Variants in PPP2R5C observed in about 807,000 individuals in gnomAD.
The protein encoded by PPP2R5C is protein phosphatase 2 regulatory subunit B'gamma.
Under a neutral mutation model 68.9 loss-of-function variants are expected in PPP2R5C, and 7 were observed. The ratio of observed to expected loss-of-function variants is 0.10; its 90% CI spans 0.06 to 0.19. The LOEUF (loss-of-function observed/expected upper bound fraction) is 0.19. PPP2R5C is among the 10% of genes least tolerant of loss of function. The pLI is 1.00. For synonymous variants in PPP2R5C, 210 were observed against 222.2 expected (o/e 0.95, Z 0.49); for missense variants, 348 against 641.3 (o/e 0.54, Z 4.94).
chr14:101,805,079 C>T (rs2039022054), upstream of PPP2R5C, among the ~76,000 whole-genome samples: 1 of 152,038 alleles, frequency 6.6e-6, no homozygotes, highest in Admixed American at 6.6e-5. Flanking sequence ...TATTGTTGTG[C>T]ACTGTTTTTT....
At chr14:101,857,646 A>C (rs1298817109) in intron 2 of PPP2R5C, among the ~76,000 whole-genome samples, 1 of 152,246 alleles carries the variant, frequency 6.6e-6, no homozygotes, top group Non-Finnish European at 1.5e-5. Context: ...ACCACCTGGA[A>C]ACACTTCATT....
At chr14:101,892,505 C>A (rs1412139423) in intron 6 of PPP2R5C, among the ~76,000 whole-genome samples, 5 of 152,124 alleles carry the variant, frequency 3.3e-5, no homozygotes, top group Non-Finnish European at 5.9e-5. Flanking sequence ...TGGGTAACAC[C>A]TGTAAACCCA....
At chr14:101,776,545 C>T (rs539161227) in intron 2 of PPP2R5C, among the ~76,000 whole-genome samples, 2 of 152,200 alleles carry the variant, frequency 1.3e-5, no homozygotes, top group African/African-American at 2.4e-5. Flanking sequence ...CCTCCCAAAG[C>T]GTGTGTGTCT....
chr14:101,778,875 C>T (rs2037545616), intron 2 of PPP2R5C, among the ~76,000 whole-genome samples: 1 of 152,132 alleles, frequency 6.6e-6, no homozygotes, highest in Non-Finnish European at 1.5e-5. Context: ...GCCTGGACAA[C>T]ATAGTGAGAC....
intron 2 of PPP2R5C, among the ~76,000 whole-genome samples, chr14:101,869,563 C>G (rs1486235360): frequency 6.6e-6 from 1 of 152,144 alleles, no homozygotes; most frequent in East Asian, 1.9e-4. Context: ...GTTCTCATGC[C>G]TCCCGTATCT....
Position 101,890,128 on chromosome 14 carries a change from C to A in PPP2R5C, c.630-109C>A, listed in dbSNP as rs536388213. ...TTGCTCACCACGAGCAGTGTTTGCA[C>A]AAATAGATGCGCTTCTTGTTGCCTG... On this transcript the variant is annotated intron_variant, in intron 5 of 13. Transcript: ENST00000334743. 256 of 1,016,130 alleles carry A rather than the reference C, an allele frequency of 2.5e-4. 2 individuals are homozygous for A. Among genetic ancestry groups the A allele is most frequent in the South Asian group, 2.3e-3 (169 of 72,206 alleles). The allele number at this position is 1,016,130 out of a possible 1,614,324, so 62.9% of individuals were successfully genotyped here.
rs562494204 is a variant in PPP2R5C, at chr14:101,845,841, C to T, written c.95-10845C>T. 1.6e-3 allele frequency among the ~76,000 whole-genome samples: 249 copies of T among 152,298 alleles called. 1 individual carries two copies. Among genetic ancestry groups the T allele is most frequent in the African/African-American group, 5.6e-3 (234 of 41,554 alleles). Reference sequence around the variant, plus strand: ...GTGTACAACAAAGCTGGATAAACCACAGCATTGGAACGTTATGGTGGACTG... The same window carrying T: ...GTGTACAACAAAGCTGGATAAACCATAGCATTGGAACGTTATGGTGGACTG... On this transcript the variant is annotated intron_variant, in intron 1 of 13. Transcript: ENST00000334743.
At chr14:101,871,547 CT>C (rs764152771) in intron 2 of PPP2R5C, among the ~76,000 whole-genome samples, 26 of 152,082 alleles carry the variant, frequency 1.7e-4, no homozygotes, top group Non-Finnish European at 2.9e-4. Context: ...CCGGCTGAGT[CT>C]TGCTTTTTTA....
intron 1 of PPP2R5C, chr14:101,820,090 T>C (rs1469260566): frequency 6.6e-6 from 1 of 152,174 alleles, no homozygotes; most frequent in Non-Finnish European, 1.5e-5. Flanking sequence ...TAATGTAAAA[T>C]CATTTTTACT....
At chr14:101,927,321 TAA>T (rs2047323668) in exon 14 of PPP2R5C, 1 of 152,502 alleles carries the variant, frequency 6.6e-6, no homozygotes. Context: ...AAAAGAAAAA[TAA>T]AAGTTTTCAG....
chr14:101,920,967 ATTGAATTCAG>A (rs2046967690), intron 13 of PPP2R5C: 1 of 162,300 alleles, frequency 6.2e-6, no homozygotes, highest in Non-Finnish European at 1.4e-5. Flanking sequence ...AGTTGAATCA[ATTGAATTCAG>A]TTGAATTCAA....
chr14:101,812,813 G>T (rs2039444977), intron 1 of PPP2R5C, among the ~76,000 whole-genome samples: 2 of 152,316 alleles, frequency 1.3e-5, no homozygotes, highest in Non-Finnish European at 2.9e-5. Flanking sequence ...ATCCATCAGG[G>T]TGGGGACCAA....
intron 3 of PPP2R5C, among the ~76,000 whole-genome samples, chr14:101,803,775 A>G (rs1054711002): frequency 3.9e-5 from 6 of 152,142 alleles, no homozygotes; most frequent in African/African-American, 1.4e-4. Flanking sequence ...CACTACTACA[A>G]GAAAACAATG....
In PPP2R5C at chr14:101,906,259, C is replaced by T. The variant is rs1482354983; in HGVS notation, c.1024-143C>T. The T allele has an allele frequency of 1.1e-6, 1 of 938,704 alleles. No homozygotes were observed. Among genetic ancestry groups the T allele is most frequent in the Non-Finnish European group, 1.6e-6 (1 of 637,780 alleles). 58.1% of individuals were successfully genotyped at this position (938,704 alleles called of 1,614,324 possible). A position where few individuals can be genotyped will look rare whatever the true frequency, so the allele number is the denominator to read the frequency against. On this transcript the variant is annotated intron_variant, in intron 9 of 13. Transcript: ENST00000334743. The surrounding 1 kb of genome is among the most constrained non-coding windows in gnomAD (Gnocchi z 4.0). ...GCTCTTCAGGGTTACAGGTTACAGT[C>T]TAGAATATTTTGAATTTGTAGAAAT...
At chr14:101,802,083 T>C (rs528369727) in intron 3 of PPP2R5C, among the ~76,000 whole-genome samples, 1 of 152,254 alleles carries the variant, frequency 6.6e-6, no homozygotes, top group Admixed American at 6.5e-5. Context: ...TTTCAACAAA[T>C]GGTGTTGGGA....
upstream of PPP2R5C, among the ~76,000 whole-genome samples, chr14:101,761,159 C>G (rs924676903): frequency 6.6e-6 from 1 of 152,054 alleles, no homozygotes; most frequent in Non-Finnish European, 1.5e-5. Flanking sequence ...CGGGCCTCCC[C>G]GTGCGCCTCA....
chr14:101,835,768 G>C lies in PPP2R5C; in HGVS notation c.95-20918G>C, dbSNP rs374135496. On this transcript the variant is annotated intron_variant, in intron 1 of 13. Coordinates refer to ENST00000334743, the Ensembl canonical transcript of PPP2R5C. This position sits in a 1 kb window ranked among gnomAD's most constrained non-coding sequence, Gnocchi z 5.0. ...GCCTGCACAGCCGTCCCCTCACGGGGTGCCTCTTGCCCTTGCAGATCACCA... is the reference window on the plus strand; with the variant it reads ...GCCTGCACAGCCGTCCCCTCACGGGCTGCCTCTTGCCCTTGCAGATCACCA... Among the ~76,000 whole-genome samples, 1 of 152,150 alleles carries C rather than the reference G, an allele frequency of 6.6e-6. No homozygotes were observed. The highest frequency in any genetic ancestry group is 2.4e-5 in the African/African-American group (1 of 41,390).
Position 101,836,968 on chromosome 14 carries a change from G to A in PPP2R5C, c.95-19718G>A, listed in dbSNP as rs542715842. Among the ~76,000 whole-genome samples, 6 of 152,356 alleles carry A rather than the reference G, an allele frequency of 3.9e-5. No individual in the cohort carries two copies. In the East Asian group the frequency reaches 7.7e-4, roughly 20 times the overall value. ...AACACATAAAGCGAGAACTGTAGGG[G>A]ATTAAAGACAAAATCAGTGAGTGCA... is the stretch of plus-strand genomic sequence containing the variant. On this transcript the variant is annotated intron_variant, in intron 1 of 13. Coordinates refer to ENST00000334743, the Ensembl canonical transcript of PPP2R5C.
At chr14:101,840,756 T>C (rs1314270857) in intron 1 of PPP2R5C, among the ~76,000 whole-genome samples, 1 of 152,200 alleles carries the variant, frequency 6.6e-6, no homozygotes, top group Non-Finnish European at 1.5e-5. Flanking sequence ...AAAGCACTAT[T>C]GCTGTGCTGT....
Sources: gnomAD v4.1 joint callset for allele counts (sites outside exome capture counted in the v4.1 genomes callset) on GRCh38, gnomAD v4.1.1 for gene constraint, Gnocchi (gnomAD v3.1) non-coding constraint, MANE v1.5 for transcripts, NCBI Gene and HGNC (gene_info 2026-07-23, HGNC 2026-07-21) for gene names.